DACH2: variants seen among roughly 807,000 people sequenced by gnomAD.
DACH2 encodes dachshund homolog 2.
Under a neutral mutation model 35.8 loss-of-function variants are expected in DACH2, and 17 were observed. That is an observed-to-expected ratio of 0.48 (90% CI 0.33 to 0.71). DACH2 has a LOEUF of 0.71. DACH2 is among the 30% of genes least tolerant of loss of function. The pLI, the probability that DACH2 is intolerant of heterozygous loss-of-function variation, is 0.02. For synonymous variants in DACH2, 195 were observed against 177.3 expected, an observed-to-expected ratio of 1.10 and a Z score of -0.79; for missense variants, 469 against 472.7, an observed-to-expected ratio of 0.99 and a Z score of 0.07.
At chrX:86,643,693 T>C (rs1159784058) in intron 3 of DACH2, among the ~76,000 whole-genome samples, 1 of 110,834 alleles carries the variant, frequency 9.0e-6, no homozygotes, top group Non-Finnish European at 1.9e-5. Context: ...TTGATGAATA[T>C]TGATGCAAAA....
chrX:86,608,954 T>C (rs546749819), intron 3 of DACH2, among the ~76,000 whole-genome samples: 5 of 111,668 alleles, frequency 4.5e-5, no homozygotes, highest in African/African-American at 1.6e-4. Context: ...GTAGTCTTTT[T>C]TGGGTTAAAT....
At chrX:86,789,640 G>A (rs2042169281) in intron 7 of DACH2, among the ~76,000 whole-genome samples, 1 of 111,775 alleles carries the variant, frequency 8.9e-6, no homozygotes, top group African/African-American at 3.2e-5. Context: ...TAGATAACAT[G>A]ATATAGCTCT....
chrX:86,802,528 GAAAAA>G (rs34700295), intron 7 of DACH2, among the ~76,000 whole-genome samples: 3,619 of 63,123 alleles, frequency 0.057, 238 homozygotes, highest in African/African-American at 0.2. Flanking sequence ...TTTCTTGGTT[GAAAAA>G]AAAAAAAAAA....
intron 3 of DACH2, among the ~76,000 whole-genome samples, chrX:86,631,984 T>C (rs2040206554): frequency 9.0e-6 from 1 of 111,514 alleles, no homozygotes; most frequent in Non-Finnish European, 1.9e-5. Flanking sequence ...AACTATCTAG[T>C]ACAAAGCAAA....
chrX:86,222,889 A>C (rs747380922), intron 1 of DACH2, among the ~76,000 whole-genome samples: 2 of 111,000 alleles, frequency 1.8e-5, no homozygotes, highest in African/African-American at 3.3e-5. Context: ...AAGGGAGTAC[A>C]ATTAGTAAGG....
At chrX:86,349,073 G>C (rs2035545277) in intron 1 of DACH2, among the ~76,000 whole-genome samples, 4 of 112,551 alleles carry the variant, frequency 3.6e-5, no homozygotes, top group African/African-American at 1.3e-4. Flanking sequence ...AGAGCTTTCT[G>C]TATCCCAGGG....
intron 7 of DACH2, among the ~76,000 whole-genome samples, chrX:86,763,851 G>C (rs772163658): frequency 9.9e-5 from 11 of 111,501 alleles, no homozygotes; most frequent in Non-Finnish European, 1.9e-4. Flanking sequence ...AAAATTCATT[G>C]ACTTGTATAC....
chrX:86,805,040 G>A (rs955851933), intron 7 of DACH2, among the ~76,000 whole-genome samples: 1 of 112,390 alleles, frequency 8.9e-6, no homozygotes, highest in African/African-American at 3.2e-5. Flanking sequence ...ACTAGGCAGT[G>A]CCCCAATGGG....
At chrX:86,730,183 T>G (rs1171202588) in intron 6 of DACH2, among the ~76,000 whole-genome samples, 2 of 111,306 alleles carry the variant, frequency 1.8e-5, no homozygotes, top group Non-Finnish European at 3.8e-5. Flanking sequence ...AAAGTAGTCT[T>G]CTAGTATGTT....
At chrX:86,818,168 C>T (rs769273108) in intron 11 of DACH2, among the ~76,000 whole-genome samples, 2 of 111,560 alleles carry the variant, frequency 1.8e-5, no homozygotes, top group South Asian at 3.7e-4. Context: ...TACACATTAT[C>T]GCTTCTCTTT....
At chrX:86,362,108 C>T (rs971074738) in intron 1 of DACH2, among the ~76,000 whole-genome samples, 2 of 111,275 alleles carry the variant, frequency 1.8e-5, no homozygotes, top group Non-Finnish European at 3.8e-5. Context: ...CCTCTTCACT[C>T]AGTAAGTATT....
intron 1 of DACH2, among the ~76,000 whole-genome samples, chrX:86,284,026 ATAT>A (rs2034094183): frequency 9.0e-6 from 1 of 111,028 alleles, no homozygotes; most frequent in African/African-American, 3.3e-5. Context: ...TCCAAATATA[ATAT>A]TATACCCTCT....
intron 3 of DACH2, among the ~76,000 whole-genome samples, chrX:86,554,078 G>A (rs147860275): frequency 0.024 from 2,611 of 110,735 alleles, 79 homozygotes; most frequent in African/African-American, 0.081. Flanking sequence ...TTTCTATAAT[G>A]TAGCTAATTT....
chrX:86,269,482 G>T (rs1430743552), intron 1 of DACH2, among the ~76,000 whole-genome samples: 1 of 111,914 alleles, frequency 8.9e-6, no homozygotes, highest in Non-Finnish European at 1.9e-5. Flanking sequence ...GCTTTTAACA[G>T]CTAAATTCTA....
intron 3 of DACH2, among the ~76,000 whole-genome samples, chrX:86,562,208 G>T (rs1462213698): frequency 9.1e-6 from 1 of 110,454 alleles, no homozygotes; most frequent in African/African-American, 3.3e-5. Flanking sequence ...GGATGGTTGA[G>T]TTTTCAAGAA....
At chrX:86,827,651 A>T (rs2042574553) in intron 11 of DACH2, 2 of 588,045 alleles carry the variant, frequency 3.4e-6, no homozygotes, top group Non-Finnish European at 5.7e-6. Context: ...CATATATAGC[A>T]CAGCGAAATA....
At chrX:86,554,003 T>TTG (rs1569438321) in intron 3 of DACH2, among the ~76,000 whole-genome samples, 2 of 111,206 alleles carry the variant, frequency 1.8e-5, no homozygotes, top group South Asian at 3.7e-4. Context: ...AGCAAGTTTC[T>TTG]TGTGTGTGTG....
chrX:86,452,066 C>T (rs2037387747), intron 2 of DACH2, among the ~76,000 whole-genome samples: 1 of 111,335 alleles, frequency 9.0e-6, no homozygotes, highest in African/African-American at 3.3e-5. Flanking sequence ...AAAGTGTTTT[C>T]TGCATCTATT....
At chrX:86,807,499 G>A (rs1283899580) in intron 7 of DACH2, among the ~76,000 whole-genome samples, 14 of 111,592 alleles carry the variant, frequency 1.3e-4, no homozygotes, top group Admixed American at 9.6e-4. Context: ...AGGCTCCAGT[G>A]TATTTTGCTC....
Sources: allele counts gnomAD v4.1 joint callset (sites outside exome capture counted in the v4.1 genomes callset), GRCh38; gene constraint gnomAD v4.1.1; transcripts MANE v1.5; gene names NCBI Gene and HGNC (gene_info 2026-07-23, HGNC 2026-07-21).